USH2A: variants seen among roughly 807,000 people sequenced by gnomAD.
The protein encoded by USH2A is usherin, also known as Usher syndrome 2A (autosomal recessive, mild).
In USH2A, 443 loss-of-function variants were observed where a neutral mutation model predicts 538.9. That is an observed-to-expected ratio of 0.82 (90% CI 0.76 to 0.89). The LOEUF (loss-of-function observed/expected upper bound fraction) is 0.89, where lower values mean the gene tolerates loss of function less well. USH2A is among the 40% of genes least tolerant of loss of function. USH2A has a pLI of 0.00. For missense variants in USH2A, 6,633 were observed against 6,324.8 expected (o/e 1.05, Z -1.65); for synonymous variants, 2,413 against 2,273.5 (o/e 1.06, Z -1.75).
At chr1:215,664,009 A>T (rs1657523912) in intron 64 of USH2A, among the ~76,000 whole-genome samples, 1 of 152,138 alleles carries the variant, frequency 6.6e-6, no homozygotes, top group Non-Finnish European at 1.5e-5. Flanking sequence ...AATGAATCCT[A>T]CATCATCCGA....
chr1:215,750,550 A>G (rs1660592706), intron 58 of USH2A, among the ~76,000 whole-genome samples: 1 of 152,218 alleles, frequency 6.6e-6, no homozygotes, highest in Non-Finnish European at 1.5e-5. Context: ...TACTGGGTCG[A>G]CTGATCCTGA....
chr1:216,422,779 A>G (rs1255454601), intron 1 of USH2A, among the ~76,000 whole-genome samples: 1 of 151,728 alleles, frequency 6.6e-6, no homozygotes, highest in Non-Finnish European at 1.5e-5. Flanking sequence ...ATAACCAGTT[A>G]TACATAAATA....
intron 44 of USH2A, among the ~76,000 whole-genome samples, 173 bp from the exon 45 acceptor site, chr1:215,846,206 G>T (rs537061151): frequency 6.6e-6 from 1 of 152,134 alleles, no homozygotes; most frequent in East Asian, 1.9e-4. Context: ...GGTGGTGATA[G>T]TTTTTATTTT....
At chr1:215,843,617 A>T (rs1421284422) in intron 46 of USH2A, among the ~76,000 whole-genome samples, 3 of 152,198 alleles carry the variant, frequency 2.0e-5, no homozygotes, top group Non-Finnish European at 4.4e-5. Flanking sequence ...ACTTCATAAG[A>T]TTCTCAAAGA....
chr1:215,800,013 A>G (rs2102779726), intron 49 of USH2A, among the ~76,000 whole-genome samples: 1 of 152,088 alleles, frequency 6.6e-6, no homozygotes, highest in South Asian at 2.1e-4. Flanking sequence ...AAAACAAAAA[A>G]CAGAATTAGA....
chr1:216,362,031 T>C (rs904742711), intron 4 of USH2A, among the ~76,000 whole-genome samples: 1 of 152,178 alleles, frequency 6.6e-6, no homozygotes, highest in African/African-American at 2.4e-5. Flanking sequence ...TTCTACGACT[T>C]TTTTTAAATG....
chr1:215,927,085 G>C (rs1666256544), intron 38 of USH2A, among the ~76,000 whole-genome samples: 1 of 152,072 alleles, frequency 6.6e-6, no homozygotes. Context: ...GTCAATTGTG[G>C]TTGTCATTAT....
intron 58 of USH2A, among the ~76,000 whole-genome samples, chr1:215,747,980 C>T (rs6700716): frequency 0.3 from 44,299 of 150,098 alleles, 6,738 homozygotes; most frequent in Admixed American, 0.38. Context: ...CAAGCTCCGC[C>T]TCCCGGGTTC....
intron 3 of USH2A, among the ~76,000 whole-genome samples, chr1:216,376,629 T>C (rs933928254): frequency 1.3e-5 from 2 of 152,178 alleles, no homozygotes; most frequent in African/African-American, 4.8e-5. Context: ...GGTCAGATTA[T>C]GCCTGAAGGA....
At chr1:216,132,398 T>C (rs1301186077) in intron 21 of USH2A, among the ~76,000 whole-genome samples, 3 of 152,106 alleles carry the variant, frequency 2.0e-5, no homozygotes, top group Admixed American at 6.6e-5. Context: ...TATACTGTTA[T>C]CTGTTGAATT....
chr1:216,227,701 G>T (rs76993540), intron 14 of USH2A, among the ~76,000 whole-genome samples: 1,886 of 152,288 alleles, frequency 0.012, 26 homozygotes, highest in Middle Eastern at 0.089. Context: ...ATAATCTGGA[G>T]ATACATATAT....
chr1:216,069,198 G>T (rs544402166), intron 30 of USH2A, among the ~76,000 whole-genome samples: 14 of 152,248 alleles, frequency 9.2e-5, no homozygotes, highest in African/African-American at 2.9e-4. Flanking sequence ...GCTTACTCAG[G>T]CTGGGCTTTG....
At chr1:216,290,997 G>T (rs1485973397) in intron 10 of USH2A, among the ~76,000 whole-genome samples, 1 of 151,996 alleles carries the variant, frequency 6.6e-6, no homozygotes, top group African/African-American at 2.4e-5. Context: ...TTCTCACCTG[G>T]ACTATTGCAG....
At chr1:216,030,207 A>G (rs1669073655) in intron 32 of USH2A, among the ~76,000 whole-genome samples, 1 of 141,076 alleles carries the variant, frequency 7.1e-6, no homozygotes, top group African/African-American at 2.6e-5. Context: ...GATCTACATC[A>G]CACATATATT....
chr1:215,954,263 A>G (rs1451660999), intron 37 of USH2A, among the ~76,000 whole-genome samples: 1 of 152,056 alleles, frequency 6.6e-6, no homozygotes, highest in East Asian at 1.9e-4. Context: ...ACACATGCAC[A>G]CGTATGTTTA....
chr1:215,785,256 A>C (rs1199395637), intron 52 of USH2A, among the ~76,000 whole-genome samples: 2 of 152,164 alleles, frequency 1.3e-5, no homozygotes, highest in African/African-American at 4.8e-5. Flanking sequence ...CAGGGACTGC[A>C]TTGAGGAAAA....
intron 9 of USH2A, among the ~76,000 whole-genome samples, chr1:216,319,057 A>G (rs1387586973): frequency 6.6e-6 from 1 of 152,208 alleles, no homozygotes; most frequent in East Asian, 1.9e-4. Context: ...AAAAGAACAT[A>G]TCATATGAAG....
At chr1:216,055,002 A>T (rs188150619) in intron 30 of USH2A, among the ~76,000 whole-genome samples, 22 of 152,282 alleles carry the variant, frequency 1.4e-4, no homozygotes, top group Admixed American at 1.3e-3. Context: ...TTTCAAATGC[A>T]CTCCAACAAT....
chr1:216,283,424 C>T (rs1448172843), intron 11 of USH2A, among the ~76,000 whole-genome samples: 1 of 152,136 alleles, frequency 6.6e-6, no homozygotes, highest in Non-Finnish European at 1.5e-5. Context: ...TGAATTAATT[C>T]CTTAGGATTT....
Sources: allele counts gnomAD v4.1 joint callset (sites outside exome capture counted in the v4.1 genomes callset), GRCh38; gene constraint gnomAD v4.1.1; transcripts MANE v1.5; gene names NCBI Gene and HGNC (gene_info 2026-07-23, HGNC 2026-07-21).